The following EIPR1 variants were observed in gnomAD, a reference collection of about 807,000 sequenced individuals.
The protein encoded by EIPR1 is EARP and GARP complex-interacting protein 1.
Under a neutral mutation model 48.1 loss-of-function variants are expected in EIPR1, and 25 were observed. The ratio of observed to expected loss-of-function variants is 0.52; its 90% CI spans 0.38 to 0.73. EIPR1 has a LOEUF of 0.73. Among genes scored for constraint, EIPR1 ranks in the 30% least tolerant of loss-of-function variants. The pLI is 0.00. For missense variants in EIPR1, 415 were observed against 506.2 expected (o/e 0.82, Z 1.73); for synonymous variants, 204 against 201.9 (o/e 1.01, Z -0.09).
At chr2:3,216,181 G>A (rs114919930) in intron 4 of EIPR1, among the ~76,000 whole-genome samples, 1,647 of 152,272 alleles carry the variant, frequency 0.011, 28 homozygotes, top group African/African-American at 0.038. Flanking sequence ...GGGAGAGAAG[G>A]ATGCAACGGG....
At chr2:3,280,670 G>A (rs1300131600) in intron 3 of EIPR1, among the ~76,000 whole-genome samples, 2 of 152,156 alleles carry the variant, frequency 1.3e-5, no homozygotes, top group African/African-American at 2.4e-5. Context: ...TTTGTTCAGG[G>A]GAAGCTCTTT....
chr2:3,333,909 C>T (rs1308409976), intron 3 of EIPR1, among the ~76,000 whole-genome samples: 7 of 152,322 alleles, frequency 4.6e-5, no homozygotes, highest in East Asian at 3.9e-4. Flanking sequence ...TCTCCACGTG[C>T]GGTTCTACTG....
At chr2:3,299,479 G>A (rs1668700708) in intron 3 of EIPR1, among the ~76,000 whole-genome samples, 1 of 152,106 alleles carries the variant, frequency 6.6e-6, no homozygotes, top group Non-Finnish European at 1.5e-5. Context: ...CTTCTCTTAG[G>A]AAAAGAGAGT....
At chr2:3,344,793 C>A (rs764816185) in intron 2 of EIPR1, among the ~76,000 whole-genome samples, 1 of 151,908 alleles carries the variant, frequency 6.6e-6, no homozygotes, top group Non-Finnish European at 1.5e-5. Flanking sequence ...CAGGCAGGCA[C>A]CACCACGCCC....
At chr2:3,321,377 T>C (rs4854150) in intron 3 of EIPR1, among the ~76,000 whole-genome samples, 60,498 of 152,022 alleles carry the variant, frequency 0.4, 12,843 homozygotes, top group East Asian at 0.76. Context: ...GCATCTTGAG[T>C]GCAGCAGAGC....
chr2:3,289,406 G>A (rs2103271457), intron 3 of EIPR1, among the ~76,000 whole-genome samples: 1 of 152,228 alleles, frequency 6.6e-6, no homozygotes, highest in South Asian at 2.1e-4. Context: ...ATGACAGAAG[G>A]AACAGTCTCG....
intron 4 of EIPR1, among the ~76,000 whole-genome samples, chr2:3,238,841 C>T (rs749983030): frequency 1.1e-4 from 16 of 152,318 alleles, no homozygotes; most frequent in Middle Eastern, 3.4e-3. Context: ...GCAAGGACAG[C>T]GGGCCCTCCG....
rs1388064586 is a variant in EIPR1 at position 3,302,187 on chromosome 2, CCT to C, written c.259+35828_259+35829del. Among the ~76,000 whole-genome samples the C allele has an allele frequency of 3.3e-5, 5 of 152,214 alleles. No individual in the cohort carries two copies. In the East Asian group the frequency reaches 7.7e-4, roughly 23 times the overall value. ...TCCGGCATACAGCAAAAAGAAAACCCCTGATTTCCTAAACTCAATCAGCTTTG... is the reference window on the plus strand; with the variant it reads ...TCCGGCATACAGCAAAAAGAAAACCCGATTTCCTAAACTCAATCAGCTTTG... On this transcript the variant is annotated intron_variant, in intron 3 of 8. Coordinates refer to ENST00000382125, the MANE Select transcript of EIPR1 (RefSeq NM_003310.5).
chr2:3,272,044 A>C (rs1209939847), intron 3 of EIPR1, among the ~76,000 whole-genome samples: 1 of 152,200 alleles, frequency 6.6e-6, no homozygotes, highest in Non-Finnish European at 1.5e-5. Flanking sequence ...TACGCTATGG[A>C]GATGACCTCT....
At chr2:3,261,413 G>A (rs1200680772) in intron 3 of EIPR1, among the ~76,000 whole-genome samples, 1 of 152,172 alleles carries the variant, frequency 6.6e-6, no homozygotes, top group Non-Finnish European at 1.5e-5. Context: ...CAGATTTGAG[G>A]CAGCTTCAGA....
At chr2:3,248,933 C>T (rs1666923294) in intron 4 of EIPR1, among the ~76,000 whole-genome samples, 1 of 152,206 alleles carries the variant, frequency 6.6e-6, no homozygotes, top group Non-Finnish European at 1.5e-5. Context: ...GCCATGCTTC[C>T]TGTACAGCCT....
At chr2:3,208,857 C>T (rs1488847933) in intron 5 of EIPR1, 3 of 1,550,324 alleles carry the variant, frequency 1.9e-6, no homozygotes, top group Non-Finnish European at 2.6e-6. Flanking sequence ...ATCCCTGTTC[C>T]CCGACTCCAG....
chr2:3,203,214 G>A (rs957942266), intron 5 of EIPR1, among the ~76,000 whole-genome samples: 4 of 152,228 alleles, frequency 2.6e-5, no homozygotes, highest in African/African-American at 9.7e-5. Context: ...AAGTGACAGA[G>A]CCAGGGTGAA....
intron 3 of EIPR1, among the ~76,000 whole-genome samples, chr2:3,293,161 T>C (rs974168897): frequency 3.9e-5 from 6 of 152,228 alleles, no homozygotes; most frequent in African/African-American, 1.4e-4. Context: ...CCTGGTGGCA[T>C]GGCTTGCTCG....
intron 3 of EIPR1, among the ~76,000 whole-genome samples, chr2:3,289,884 C>A (rs536136332): frequency 6.6e-5 from 10 of 152,366 alleles, no homozygotes; most frequent in Non-Finnish European, 2.9e-5. Flanking sequence ...CCTTGATCCA[C>A]GCCTCTCATC....
intron 4 of EIPR1, among the ~76,000 whole-genome samples, chr2:3,238,805 T>G (rs767382202): frequency 1.3e-4 from 20 of 152,234 alleles, no homozygotes; most frequent in Non-Finnish European, 2.6e-4. Context: ...ATCATCTGCA[T>G]GCCCTGAGAT....
intron 2 of EIPR1, among the ~76,000 whole-genome samples, chr2:3,339,507 C>T (rs900600669): frequency 6.6e-6 from 1 of 152,174 alleles, no homozygotes; most frequent in Non-Finnish European, 1.5e-5. Context: ...CCAAACCTCA[C>T]GTCAAATTGT....
At chr2:3,362,217 T>G (rs1384623269) in intron 1 of EIPR1, among the ~76,000 whole-genome samples, 1 of 151,424 alleles carries the variant, frequency 6.6e-6, no homozygotes, top group Non-Finnish European at 1.5e-5. Flanking sequence ...CCTGCCCCAT[T>G]CATACACACA....
chr2:3,198,168 C>T (rs1664876030), intron 5 of EIPR1, among the ~76,000 whole-genome samples: 1 of 152,198 alleles, frequency 6.6e-6, no homozygotes, highest in African/African-American at 2.4e-5. Context: ...AAATAGGGCA[C>T]CGTCTAAGCC....
Sources: allele counts gnomAD v4.1 joint callset (sites outside exome capture counted in the v4.1 genomes callset), GRCh38; gene constraint gnomAD v4.1.1; transcripts MANE v1.5; gene names NCBI Gene and HGNC (gene_info 2026-07-23, HGNC 2026-07-21).